Variants in DLG2 observed in about 807,000 individuals in gnomAD.
DLG2 encodes the protein disks large homolog 2.
Under a neutral mutation model 132.5 loss-of-function variants are expected in DLG2, and 45 were observed. That is an observed-to-expected ratio of 0.34 (90% CI 0.27 to 0.44). The LOEUF (loss-of-function observed/expected upper bound fraction) is 0.44, where lower values mean the gene tolerates loss of function less well. Ranked by LOEUF, DLG2 falls within the 20% of genes least tolerant of loss-of-function variation. The probability of loss-of-function intolerance (pLI) is 1.00; values close to 1 mark genes in which losing one functional copy is unlikely to be tolerated. For missense variants in DLG2, 1,045 were observed against 1,196.9 expected (o/e 0.87, Z 1.87); for synonymous variants, 424 against 419.6 (o/e 1.01, Z -0.13).
At chr11:84,399,888 G>T (rs1028314790) in intron 7 of DLG2, among the ~76,000 whole-genome samples, 2 of 152,212 alleles carry the variant, frequency 1.3e-5, no homozygotes, top group African/African-American at 4.8e-5. Context: ...GGCCCACTAC[G>T]TTTGGCTGTA....
chr11:84,926,216 G>A (rs760737214), intron 6 of DLG2, among the ~76,000 whole-genome samples: 1 of 151,900 alleles, frequency 6.6e-6, no homozygotes, highest in African/African-American at 2.4e-5. Flanking sequence ...GTTAGAAAAG[G>A]TTATTAAAAT....
Position 84,911,332 on chromosome 11 carries a change from C to T in DLG2, c.357+200329G>A, listed in dbSNP as rs138007832. Among the ~76,000 whole-genome samples, 1,510 of 151,786 alleles carry T rather than the reference C, an allele frequency of 9.9e-3. 13 individuals are homozygous for T. Among genetic ancestry groups the T allele is most frequent in the African/African-American group, 0.026 (1,060 of 41,494 alleles). Reference sequence around the variant, plus strand: ...ATAATTGTACTGTTTTACTTATAAACCTATCAAGTTTTTTACAATCATCAT... The same window carrying T: ...ATAATTGTACTGTTTTACTTATAAATCTATCAAGTTTTTTACAATCATCAT... On this transcript the variant is annotated intron_variant, in intron 6 of 27. Transcript: ENST00000376104.
intron 2 of DLG2, among the ~76,000 whole-genome samples, chr11:85,616,758 T>C (rs1040294476): frequency 1.3e-5 from 2 of 152,170 alleles, no homozygotes; most frequent in Non-Finnish European, 2.9e-5. Context: ...GGATCAGGGA[T>C]CTAGGCTCTT....
chr11:84,562,132 C>G (rs755421720), intron 6 of DLG2, among the ~76,000 whole-genome samples: 8 of 151,928 alleles, frequency 5.3e-5, no homozygotes, highest in South Asian at 2.1e-4. Context: ...AATCAATGAC[C>G]CTTGATCTAG....
At chr11:85,364,462 A>G (rs899478863) in intron 3 of DLG2, among the ~76,000 whole-genome samples, 3 of 152,170 alleles carry the variant, frequency 2.0e-5, no homozygotes, top group East Asian at 3.9e-4. Flanking sequence ...TGTGGGTGAC[A>G]GAGATATAAT....
chr11:84,179,844 G>A (rs140566862), intron 8 of DLG2, among the ~76,000 whole-genome samples: 1,571 of 152,210 alleles, frequency 0.01, 11 homozygotes, highest in Middle Eastern at 0.02. Context: ...GGGGACAACA[G>A]AGAAGCACTG....
intron 21 of DLG2, among the ~76,000 whole-genome samples, chr11:83,525,606 C>T (rs1477740401): frequency 6.6e-6 from 1 of 152,086 alleles, no homozygotes; most frequent in Non-Finnish European, 1.5e-5. Flanking sequence ...AAAGAGTAGC[C>T]TCTTCTGAGT....
chr11:83,498,438 C>A (rs1043473819), intron 21 of DLG2, among the ~76,000 whole-genome samples: 5 of 152,002 alleles, frequency 3.3e-5, no homozygotes, highest in African/African-American at 1.2e-4. Flanking sequence ...AATTAAGCAA[C>A]ACTCTCCTAA....
rs1295062932 is a variant in DLG2 at position 84,915,197 on chromosome 11, C to A, written c.357+196464G>T. Among the ~76,000 whole-genome samples, 15 of 152,046 alleles carry A rather than the reference C, an allele frequency of 9.9e-5. 1 individual carries two copies. Among genetic ancestry groups the A allele is most frequent in the Admixed American group, 9.8e-4 (15 of 15,270 alleles). ...TTATGAGTTATGACCCATTCTACAC[C>A]CCTTCAAAGTCAATAAAGAAGGTTA... is the stretch of plus-strand genomic sequence containing the variant. On this transcript the variant is annotated intron_variant, in intron 6 of 27. Coordinates refer to ENST00000376104, the MANE Select transcript of DLG2 (RefSeq NM_001142699.3).
At chr11:84,577,180 A>G (rs986127203) in intron 6 of DLG2, among the ~76,000 whole-genome samples, 4 of 152,192 alleles carry the variant, frequency 2.6e-5, no homozygotes, top group Non-Finnish European at 5.9e-5. Flanking sequence ...TGGTACGTCC[A>G]ATTAAACCTC....
chr11:84,175,782 C>T (rs910555319), intron 8 of DLG2, among the ~76,000 whole-genome samples: 1 of 152,132 alleles, frequency 6.6e-6, no homozygotes, highest in Admixed American at 6.6e-5. Flanking sequence ...AAAAATGCTT[C>T]GGGCTGCTTG....
chr11:85,445,333 A>G (rs1287725338), intron 3 of DLG2, among the ~76,000 whole-genome samples: 1 of 152,188 alleles, frequency 6.6e-6, no homozygotes, highest in Non-Finnish European at 1.5e-5. Flanking sequence ...TCCAGAAGCC[A>G]TACCTCTGGA....
chr11:84,669,601 C>G (rs2099703545), intron 6 of DLG2, among the ~76,000 whole-genome samples: 1 of 152,152 alleles, frequency 6.6e-6, no homozygotes, highest in Admixed American at 6.5e-5. Flanking sequence ...AATATGCTTT[C>G]AAATAACACA....
At chr11:83,913,064 A>G (rs1004078119) in intron 15 of DLG2, among the ~76,000 whole-genome samples, 2 of 152,092 alleles carry the variant, frequency 1.3e-5, no homozygotes, top group Non-Finnish European at 2.9e-5. Flanking sequence ...CTCAGTGTCA[A>G]TCTGTGTGTT....
intron 3 of DLG2, among the ~76,000 whole-genome samples, chr11:85,365,427 A>G (rs919648361): frequency 6.6e-6 from 1 of 152,176 alleles, no homozygotes; most frequent in Non-Finnish European, 1.5e-5. Flanking sequence ...TGACAAGAGG[A>G]AGAGTTATCT....
At chr11:85,229,508 G>A (rs996977712) in intron 4 of DLG2, among the ~76,000 whole-genome samples, 1 of 152,136 alleles carries the variant, frequency 6.6e-6, no homozygotes, top group African/African-American at 2.4e-5. Flanking sequence ...TGGAGAGGAT[G>A]TGGAGAAACA....
chr11:85,291,585 CTTTT>C (rs11436726), intron 3 of DLG2, among the ~76,000 whole-genome samples: 2 of 138,784 alleles, frequency 1.4e-5, no homozygotes, highest in Non-Finnish European at 1.5e-5. Context: ...GGATTCTCTT[CTTTT>C]TTTTTTTTTT....
intron 3 of DLG2, among the ~76,000 whole-genome samples, chr11:85,375,129 C>T (rs1359481269): frequency 6.7e-6 from 1 of 148,550 alleles, no homozygotes; most frequent in African/African-American, 2.5e-5. Context: ...TTTCTACATT[C>T]ACAAGTAAGG....
At chr11:83,847,716 C>A (rs1159835953) in intron 16 of DLG2, among the ~76,000 whole-genome samples, 1 of 152,136 alleles carries the variant, frequency 6.6e-6, no homozygotes, top group Non-Finnish European at 1.5e-5. Flanking sequence ...CACATGCTTG[C>A]TTAATGAAAA....
Sources: allele counts gnomAD v4.1 joint callset (sites outside exome capture counted in the v4.1 genomes callset), GRCh38; gene constraint gnomAD v4.1.1; transcripts MANE v1.5; gene names NCBI Gene and HGNC (gene_info 2026-07-23, HGNC 2026-07-21).